RILPL1: variants seen among roughly 807,000 people sequenced by gnomAD.
RILPL1 encodes Rab interacting lysosomal protein like 1.
A neutral mutation model predicts 50.3 loss-of-function variants in RILPL1; 33 were observed. That is an observed-to-expected ratio of 0.66 (90% confidence interval 0.50 to 0.88). The LOEUF is 0.88. Ranked by LOEUF, RILPL1 falls within the 40% of genes least tolerant of loss-of-function variation. RILPL1 has a pLI of 0.00. For missense variants in RILPL1, 418 were observed against 542.5 expected, an observed-to-expected ratio of 0.77 and a Z score of 2.28; for synonymous variants, 205 against 228.6, an observed-to-expected ratio of 0.90 and a Z score of 0.93.
chr12:123,485,880 C>G lies in RILPL1; in HGVS notation c.802-75G>C. On this transcript the variant is annotated intron_variant, in intron 4 of 6. Transcript: ENST00000376874. The surrounding 1 kb of genome is among the most constrained non-coding windows in gnomAD (Gnocchi z 4.0). ...CACCCACTCTCTATCCTGAAGGAGC[C>G]CAAATTCTCCCCCTCCCGGGGTGCC... The G allele has an allele frequency of 7.0e-7, 1 of 1,429,164 alleles. No individual in the cohort carries two copies. The highest frequency in any genetic ancestry group is 1.4e-5 in the South Asian group (1 of 69,474). The allele number at this position is 1,429,164 out of a possible 1,614,324, so 88.5% of individuals were successfully genotyped here.
At chr12:123,526,232 A>G (rs1885251550) in intron 1 of RILPL1, among the ~76,000 whole-genome samples, 1 of 152,076 alleles carries the variant, frequency 6.6e-6, no homozygotes, top group Non-Finnish European at 1.5e-5. Context: ...CTTGAACCTG[A>G]GAGGCAGAGG....
chr12:123,493,936 C>G (rs1882859190), intron 4 of RILPL1, among the ~76,000 whole-genome samples: 1 of 152,116 alleles, frequency 6.6e-6, no homozygotes, highest in Non-Finnish European at 1.5e-5. Flanking sequence ...AGGCACCCAC[C>G]ACCACGCCTG....
intron 4 of RILPL1, among the ~76,000 whole-genome samples, chr12:123,493,763 A>G (rs1376251376): frequency 1.4e-5 from 2 of 147,710 alleles, no homozygotes; most frequent in Non-Finnish European, 3.0e-5. Context: ...TGCCTTCAAG[A>G]TCTGTCCTGA....
At chr12:123,480,891 A>G (rs1881937512) in intron 6 of RILPL1, among the ~76,000 whole-genome samples, 1 of 152,158 alleles carries the variant, frequency 6.6e-6, no homozygotes, top group Admixed American at 6.6e-5. Context: ...GGATGGAGGT[A>G]AAAGTGCTCT....
At chr12:123,528,323 C>A (rs1233305024) in intron 1 of RILPL1, among the ~76,000 whole-genome samples, 9 of 148,314 alleles carry the variant, frequency 6.1e-5, no homozygotes, top group Non-Finnish European at 1.5e-5. Context: ...TCACGCACGG[C>A]ACGCCAGCCT....
At chr12:123,516,604 T>C (rs1187484265) in intron 2 of RILPL1, among the ~76,000 whole-genome samples, 2 of 152,240 alleles carry the variant, frequency 1.3e-5, no homozygotes, top group African/African-American at 4.8e-5. Flanking sequence ...TAAACAGTTC[T>C]GGGCATGGTG....
chr12:123,500,962 G>C (rs1883345240), intron 2 of RILPL1, among the ~76,000 whole-genome samples: 1 of 151,638 alleles, frequency 6.6e-6, no homozygotes, highest in South Asian at 2.1e-4. Flanking sequence ...AAAAAAATTA[G>C]CCGGCTATGG....
chr12:123,532,015 T>C (rs1885455755), intron 1 of RILPL1, among the ~76,000 whole-genome samples: 1 of 152,244 alleles, frequency 6.6e-6, no homozygotes, highest in Non-Finnish European at 1.5e-5. Flanking sequence ...GCAATGGTGC[T>C]GTTACCTACC....
intron 6 of RILPL1, chr12:123,475,897 A>T (rs1270778764): frequency 3.1e-5 from 12 of 393,100 alleles, no homozygotes; most frequent in Non-Finnish European, 4.1e-5. Flanking sequence ...TTCACTTAAA[A>T]TTTTTTTTTT....
Position 123,533,363 on chromosome 12 carries a change from C to G in RILPL1, c.120G>C (p.Arg40=). ...IASLVGHEFE[R]VIDQHGCEAI... ...CCTCGCAGCCGTGCTGGTCAATGAC[C>G]CGCTCGAACTCGTGGCCCACAAGCG... The change falls in exon 1 of 7, where the codon CGG becomes CGC. Residue 40 remains arginine, a synonymous_variant. Coordinates refer to ENST00000376874, the MANE Select transcript of RILPL1 (RefSeq NM_178314.5). This position sits in a 1 kb window ranked among gnomAD's most constrained non-coding sequence, Gnocchi z 6.2. The G allele has an allele frequency of 6.4e-7, 1 of 1,573,578 alleles. No homozygotes were observed. The highest frequency in any genetic ancestry group is 1.7e-4 in the Middle Eastern group (1 of 6,016).
chr12:123,475,674 G>C, intron 6 of RILPL1: 1 of 1,589,468 alleles, frequency 6.3e-7, no homozygotes, highest in Non-Finnish European at 8.5e-7. Flanking sequence ...AGGGAAACAA[G>C]TCGTCGGACA....
chr12:123,484,299 A>G, intron 5 of RILPL1, 27 bp from the exon 6 acceptor site: 1 of 1,402,152 alleles, frequency 7.1e-7, no homozygotes, highest in Non-Finnish European at 1.0e-6. Flanking sequence ...GGCGTGAGAT[A>G]AAAGAGTCAA....
chr12:123,521,251 T>G, intron 2 of RILPL1, among the ~76,000 whole-genome samples: 1 of 151,976 alleles, frequency 6.6e-6, no homozygotes, highest in Non-Finnish European at 1.5e-5. Context: ...ATTTCTTCCA[T>G]TTTTACATGG....
intron 1 of RILPL1, among the ~76,000 whole-genome samples, chr12:123,524,724 T>C (rs1376374789): frequency 1.3e-5 from 2 of 152,122 alleles, no homozygotes; most frequent in Non-Finnish European, 2.9e-5. Flanking sequence ...TATTGGCAAA[T>C]CCATAGAGAT....
At chr12:123,486,571 CAT>C (rs886159011) in intron 4 of RILPL1, among the ~76,000 whole-genome samples, 3 of 152,222 alleles carry the variant, frequency 2.0e-5, no homozygotes, top group Non-Finnish European at 2.9e-5. Flanking sequence ...AGTAAACTCA[CAT>C]GTCACACAAC....
At chr12:123,527,395 T>C (rs1885299308) in intron 1 of RILPL1, among the ~76,000 whole-genome samples, 2 of 151,342 alleles carry the variant, frequency 1.3e-5, no homozygotes, top group Admixed American at 1.3e-4. Context: ...TCACAGCAAT[T>C]TGGGAGGCCA....
chr12:123,511,250 TG>T, intron 2 of RILPL1, among the ~76,000 whole-genome samples: 1 of 144,818 alleles, frequency 6.9e-6, no homozygotes, highest in African/African-American at 2.6e-5. Context: ...GTGGTGTGTG[TG>T]TGAGGTCTGT....
chr12:123,497,768 C>T (rs1289104464), intron 4 of RILPL1, among the ~76,000 whole-genome samples: 1 of 152,136 alleles, frequency 6.6e-6, no homozygotes, highest in Admixed American at 6.6e-5. Flanking sequence ...CAGTCTTGAG[C>T]TCCTGGCCTC....
At chr12:123,472,759 A>T in intron 6 of RILPL1, 77 bp from the exon 7 acceptor site, 6 of 1,487,086 alleles carry the variant, frequency 4.0e-6, no homozygotes, top group Non-Finnish European at 5.5e-6. Context: ...AATGCCGGAG[A>T]CATATAGCAG....
Sources: gnomAD v4.1 joint callset for allele counts (sites outside exome capture counted in the v4.1 genomes callset) on GRCh38, gnomAD v4.1.1 for gene constraint, Gnocchi (gnomAD v3.1) non-coding constraint, MANE v1.5 for transcripts, NCBI Gene and HGNC (gene_info 2026-07-23, HGNC 2026-07-21) for gene names.